SDAD1: variants seen among roughly 807,000 people sequenced by gnomAD.
The protein encoded by SDAD1 is SDA1 domain containing 1.
A neutral mutation model predicts 100.3 loss-of-function variants in SDAD1; 79 were observed. The ratio of observed to expected loss-of-function variants is 0.79; its 90% CI spans 0.66 to 0.95. SDAD1 has a LOEUF of 0.95. Among genes scored for constraint, SDAD1 ranks in the 40% least tolerant of loss-of-function variants. The pLI is 0.00. For missense variants in SDAD1, 790 were observed against 810.9 expected, an observed-to-expected ratio of 0.97 and a Z score of 0.31; for synonymous variants, 267 against 271.4, an observed-to-expected ratio of 0.98 and a Z score of 0.16.
intron 1 of SDAD1, among the ~76,000 whole-genome samples, chr4:75,982,570 C>G (rs1730599537): frequency 6.6e-6 from 1 of 151,976 alleles, no homozygotes; most frequent in Non-Finnish European, 1.5e-5. Flanking sequence ...ATCACTTGAG[C>G]CCAGGGAGGT....
chr4:75,960,009 T>C, intron 17 of SDAD1, 57 bp downstream of exon 17: 1 of 1,547,762 alleles, frequency 6.5e-7, no homozygotes, highest in South Asian at 1.2e-5. Flanking sequence ...AATTTAAAGG[T>C]CTGCACAGAT....
At chr4:75,990,575 G>T (rs1053399314) in intron 1 of SDAD1, 177 bp downstream of exon 1, 1 of 1,354,560 alleles carries the variant, frequency 7.4e-7, no homozygotes, top group Non-Finnish European at 1.0e-6. Flanking sequence ...CAAGAGGTGG[G>T]GAACGAACCC....
At chr4:75,979,415 C>T (rs182237272) in intron 3 of SDAD1, among the ~76,000 whole-genome samples, 71 of 152,074 alleles carry the variant, frequency 4.7e-4, no homozygotes, top group Middle Eastern at 3.5e-3. Flanking sequence ...CTCTAAAGAG[C>T]AATGCTAACT....
intron 2 of SDAD1, 32 bp from the exon 3 acceptor site, chr4:75,981,502 C>G: frequency 1.2e-6 from 2 of 1,612,232 alleles, no homozygotes; most frequent in Non-Finnish European, 1.7e-6. Context: ...TCTGAAGTTG[C>G]TCTCTTTCTC....
At position 75,976,211 on chromosome 4, in the gene SDAD1, C is replaced by T. The variant is rs376587483; in HGVS notation, c.406-216G>A. Among the ~76,000 whole-genome samples the T allele has an allele frequency of 5.1e-4, 77 of 152,186 alleles. No individual in the cohort carries two copies. In the South Asian group the frequency reaches 0.012, roughly 25 times the overall value. Reference sequence around the variant, plus strand: ...GTTAAACATGGAGTTTAATGTAATACGGCACAATTCTCCTAGGTATATATC... The same window carrying T: ...GTTAAACATGGAGTTTAATGTAATATGGCACAATTCTCCTAGGTATATATC... On this transcript the variant is annotated intron_variant, in intron 4 of 21. Coordinates refer to ENST00000356260, the MANE Select transcript of SDAD1 (RefSeq NM_018115.4).
intron 14 of SDAD1, among the ~76,000 whole-genome samples, chr4:75,963,266 C>CCAGTACCATGCTGTTTTGGTAA (rs1729350708): frequency 6.6e-6 from 1 of 151,832 alleles, no homozygotes; most frequent in Admixed American, 6.6e-5. Context: ...TGTTTTGGTA[C>CCAGTACCATGCTGTTTTGGTAA]CAGTACCATG....
rs751953625 is a variant in SDAD1 at position 75,950,097 on chromosome 4, C to T, written c.*653G>A. 7.8e-6 allele frequency: 1 copy of T among 128,984 alleles called. No individual in the cohort carries two copies. The highest frequency in any genetic ancestry group is 1.5e-5 in the Non-Finnish European group (1 of 64,726). 8.0% of individuals were successfully genotyped at this position (128,984 alleles called of 1,614,324 possible). ...TGAGGTCTTAACCAAAAAGCCTTTACATGGCATTCAAAACAAAAACAAAAA... is the reference window on the plus strand; with the variant it reads ...TGAGGTCTTAACCAAAAAGCCTTTATATGGCATTCAAAACAAAAACAAAAA... On this transcript the variant is annotated 3_prime_UTR_variant, in exon 22 of 22. Coordinates refer to ENST00000356260, the MANE Select transcript of SDAD1 (RefSeq NM_018115.4).
rs1578139873 is a variant in SDAD1, at chr4:75,977,518, T to C, written c.405+128A>G. ...ATATGGCTATTAACACCATATAGCATGCACACAATGGTTGCTTTTTCCTGT... is the reference window on the plus strand; with the variant it reads ...ATATGGCTATTAACACCATATAGCACGCACACAATGGTTGCTTTTTCCTGT... On this transcript the variant is annotated intron_variant, in intron 4 of 21. Transcript: ENST00000356260. 9 of 694,248 alleles carry C rather than the reference T, an allele frequency of 1.3e-5. No individual in the cohort carries two copies. The East Asian group carries it at 2.1e-4, about 16-fold the overall frequency. The allele number at this position is 694,248 out of a possible 1,614,324, so 43.0% of individuals were successfully genotyped here. A position where few individuals can be genotyped will look rare whatever the true frequency, so the allele number is the denominator to read the frequency against.
At chr4:75,980,078 T>C (rs1005251267) in intron 3 of SDAD1, among the ~76,000 whole-genome samples, 10 of 152,178 alleles carry the variant, frequency 6.6e-5, no homozygotes, top group African/African-American at 1.2e-4. Context: ...TCCTAATTAC[T>C]TGGAAAGCCA....
intron 1 of SDAD1, among the ~76,000 whole-genome samples, chr4:75,983,382 T>C (rs546005245): frequency 1.4e-4 from 21 of 152,338 alleles, no homozygotes; most frequent in African/African-American, 5.1e-4. Flanking sequence ...TCTTCCACAA[T>C]GGTTAAACTA....
intron 21 of SDAD1, among the ~76,000 whole-genome samples, chr4:75,951,549 T>C (rs1190727534): frequency 1.3e-5 from 2 of 152,188 alleles, no homozygotes; most frequent in Non-Finnish European, 2.9e-5. Context: ...AGCAGTGAAT[T>C]GTATATCATA....
chr4:75,970,557 G>T (rs1489116078), intron 9 of SDAD1, among the ~76,000 whole-genome samples, 179 bp from the exon 10 acceptor site: 1 of 152,190 alleles, frequency 6.6e-6, no homozygotes, highest in East Asian at 1.9e-4. Context: ...AAGATTAAAT[G>T]TGGGGAATGT....
intron 12 of SDAD1, 95 bp downstream of exon 12, chr4:75,967,182 C>T (rs1729594983): frequency 1.7e-6 from 2 of 1,156,710 alleles, no homozygotes; most frequent in Admixed American, 3.6e-5. Context: ...GTAGAGCACA[C>T]TGCACTCCTG....
Position 75,957,950 on chromosome 4 carries a change from A to G in SDAD1, c.1484-9T>C, listed in dbSNP as rs1016378495. 3 of 1,611,262 alleles carry G rather than the reference A, an allele frequency of 1.9e-6. No individual in the cohort carries two copies. The highest frequency in any genetic ancestry group is 1.1e-5 in the South Asian group (1 of 90,974). ...GGTACTTTCCCATCCATCTGCGTGAAAAAAGCAAACCCACTACTGCCATTT... is the reference window on the plus strand; with the variant it reads ...GGTACTTTCCCATCCATCTGCGTGAGAAAAGCAAACCCACTACTGCCATTT... On this transcript the variant is annotated splice_polypyrimidine_tract_variant and intron_variant, in intron 17 of 21. Transcript: ENST00000356260.
chr4:75,961,216 T>C lies in SDAD1; in HGVS notation c.1274A>G (p.Asp425Gly). The C allele has an allele frequency of 3.1e-6, 5 of 1,613,684 alleles. No individual in the cohort carries two copies. Among genetic ancestry groups the C allele is most frequent in the South Asian group, 2.2e-5 (2 of 91,078 alleles). The change falls in exon 15 of 22, where the codon GAT becomes GGT. Residue 425 changes from aspartate (D) to glycine (G), a missense_variant. By Grantham distance (94) the Asp-to-Gly change is moderately conservative (BLOSUM62 -1). Coordinates refer to ENST00000356260, the MANE Select transcript of SDAD1 (RefSeq NM_018115.4). Reference protein sequence around the residue: ...QDLAQYKTHKDKNVMMSARTL... With the variant: ...QDLAQYKTHKGKNVMMSARTL... Reference sequence around the variant, plus strand: ...GAGAGTAACATGCAGCTTACTCTTATCCTTGTGTGTTTTATACTGAGCCAG... The same window carrying C: ...GAGAGTAACATGCAGCTTACTCTTACCCTTGTGTGTTTTATACTGAGCCAG...
At chr4:75,952,025 T>C (rs1280936427) in intron 21 of SDAD1, among the ~76,000 whole-genome samples, 1 of 152,234 alleles carries the variant, frequency 6.6e-6, no homozygotes, top group African/African-American at 2.4e-5. Context: ...CAGTTGACTC[T>C]TTGCCTTTAA....
In SDAD1 at chr4:75,957,365, T is replaced by C; in HGVS notation, c.1814A>G (p.Lys605Arg). The change falls in exon 20 of 22, where the codon AAG (lysine) becomes AGG (arginine). Residue 605 changes from lysine (K) to arginine (R), a missense_variant. Physicochemically the swap from Lys to Arg is conservative, Grantham distance 26. Transcript: ENST00000356260. ...TCTTGTCTCTTTGTCAGACTTTGGCTTTTTATGAAGGCGTTCAATGTCCCG... is the reference window on the plus strand; with the variant it reads ...TCTTGTCTCTTTGTCAGACTTTGGCCTTTTATGAAGGCGTTCAATGTCCCG... The part of the protein sequence containing the change: ...SLRDIERLHK[K>R]PKSDKETRLA... 2 of 1,614,180 alleles carry C rather than the reference T, an allele frequency of 1.2e-6. No individual in the cohort carries two copies. Among genetic ancestry groups the C allele is most frequent in the Non-Finnish European group, 1.7e-6 (2 of 1,180,016 alleles).
At chr4:75,955,172 C>T (rs1046269522) in intron 21 of SDAD1, among the ~76,000 whole-genome samples, 1 of 152,122 alleles carries the variant, frequency 6.6e-6, no homozygotes, top group Non-Finnish European at 1.5e-5. Flanking sequence ...GTATACTGTA[C>T]TTCTGCATAC....
At chr4:75,972,920 C>T (rs984644971) in intron 8 of SDAD1, among the ~76,000 whole-genome samples, 6 of 151,854 alleles carry the variant, frequency 4.0e-5, no homozygotes, top group Non-Finnish European at 5.9e-5. Context: ...ACTCGGGAGG[C>T]TGAGGCAGGA....
Sources: allele counts gnomAD v4.1 joint callset (sites outside exome capture counted in the v4.1 genomes callset), GRCh38; gene constraint gnomAD v4.1.1; transcripts MANE v1.5; gene names NCBI Gene and HGNC (gene_info 2026-07-23, HGNC 2026-07-21).